Variants in CNTNAP4 observed in about 807,000 individuals in gnomAD.
CNTNAP4 encodes contactin associated protein family member 4.
In CNTNAP4, 98 loss-of-function variants were observed where a neutral mutation model predicts 148.4. The observed-to-expected ratio is 0.66, with a 90% CI of 0.56 to 0.78. The LOEUF is 0.78. Among genes scored for constraint, CNTNAP4 ranks in the 30% least tolerant of loss-of-function variants. The pLI, the probability that CNTNAP4 is intolerant of heterozygous loss-of-function variation, is 0.00. For missense variants in CNTNAP4, 1,935 were observed against 1,565.6 expected (o/e 1.24, Z -3.98); for synonymous variants, 730 against 565.1 (o/e 1.29, Z -4.14).
chr16:76,343,367 C>T (rs964182828), intron 2 of CNTNAP4, among the ~76,000 whole-genome samples: 1 of 152,084 alleles, frequency 6.6e-6, no homozygotes, highest in Non-Finnish European at 1.5e-5. Flanking sequence ...TGGAGATAAA[C>T]AGAGCAAAAT....
chr16:76,476,083 T>C, intron 11 of CNTNAP4, 38 bp downstream of exon 11: 1 of 1,407,470 alleles, frequency 7.1e-7, no homozygotes. Context: ...GCCCCTGTGA[T>C]GGTTTCTTTG....
At chr16:76,475,683 G>A (rs897745846) in intron 10 of CNTNAP4, among the ~76,000 whole-genome samples, 1 of 152,164 alleles carries the variant, frequency 6.6e-6, no homozygotes, top group Non-Finnish European at 1.5e-5. Context: ...TGTCACTGAG[G>A]GAAAATGAAG....
chr16:76,363,316 C>A (rs2013672621), intron 3 of CNTNAP4, among the ~76,000 whole-genome samples: 1 of 151,902 alleles, frequency 6.6e-6, no homozygotes, highest in Non-Finnish European at 1.5e-5. Flanking sequence ...GTGTGTGCCA[C>A]CATACCCAGC....
At chr16:76,537,505 C>G (rs1466629750) in intron 18 of CNTNAP4, among the ~76,000 whole-genome samples, 2 of 151,972 alleles carry the variant, frequency 1.3e-5, no homozygotes, top group Non-Finnish European at 2.9e-5. Context: ...TAATCTCATA[C>G]CAGGAAAATA....
At chr16:76,310,188 C>G (rs1389530464) in intron 1 of CNTNAP4, among the ~76,000 whole-genome samples, 2 of 152,046 alleles carry the variant, frequency 1.3e-5, no homozygotes, top group African/African-American at 4.8e-5. Flanking sequence ...ACATCAGGTA[C>G]TGGGTTGTGT....
At chr16:76,431,036 A>G (rs1199386204) in intron 4 of CNTNAP4, among the ~76,000 whole-genome samples, 1 of 152,348 alleles carries the variant, frequency 6.6e-6, no homozygotes, top group East Asian at 1.9e-4. Flanking sequence ...TAGAAAAATT[A>G]TATGAACTAA....
At chr16:76,325,772 CAA>C (rs1396792240) in intron 2 of CNTNAP4, among the ~76,000 whole-genome samples, 1 of 151,824 alleles carries the variant, frequency 6.6e-6, no homozygotes, top group Non-Finnish European at 1.5e-5. Context: ...GGAAAAAACC[CAA>C]AGTGCATTAA....
At chr16:76,380,127 C>G (rs774496369) in intron 3 of CNTNAP4, among the ~76,000 whole-genome samples, 1 of 152,114 alleles carries the variant, frequency 6.6e-6, no homozygotes, top group African/African-American at 2.4e-5. Flanking sequence ...TTCAATTATG[C>G]TGGAAAATGT....
intron 2 of CNTNAP4, among the ~76,000 whole-genome samples, chr16:76,334,901 T>C (rs750406838): frequency 3.5e-4 from 54 of 152,144 alleles, no homozygotes; most frequent in Admixed American, 9.2e-4. Context: ...TTAACCTTGA[T>C]AGCTCATACT....
At chr16:76,479,805 A>T (rs149801390) in intron 12 of CNTNAP4, among the ~76,000 whole-genome samples, 65 of 152,294 alleles carry the variant, frequency 4.3e-4, no homozygotes, top group African/African-American at 1.4e-3. Flanking sequence ...TAGACTATTT[A>T]TGAGAGAAGA....
At chr16:76,478,768 C>T (rs2143648672) in intron 11 of CNTNAP4, among the ~76,000 whole-genome samples, 1 of 152,194 alleles carries the variant, frequency 6.6e-6, no homozygotes, top group African/African-American at 2.4e-5. Context: ...AGGCATAGTT[C>T]ATACAAGTAT....
intron 1 of CNTNAP4, among the ~76,000 whole-genome samples, chr16:76,282,012 C>G (rs1235697837): frequency 6.6e-6 from 1 of 151,702 alleles, no homozygotes; most frequent in African/African-American, 2.4e-5. Context: ...CTCTCTGGCA[C>G]TTTATATAAA....
intron 1 of CNTNAP4, chr16:76,287,561 G>C (rs747481991): frequency 1.1e-4 from 17 of 152,300 alleles, no homozygotes; most frequent in Non-Finnish European, 2.2e-4. Context: ...GAAGATGTCA[G>C]GAAGTTCTCT....
chr16:76,291,259 G>A (rs1302829402), intron 1 of CNTNAP4, among the ~76,000 whole-genome samples: 1 of 152,078 alleles, frequency 6.6e-6, no homozygotes, highest in East Asian at 1.9e-4. Context: ...TGCTTTTACA[G>A]GTTAAAACTT....
chr16:76,427,367 C>G, intron 3 of CNTNAP4, 85 bp from the exon 4 acceptor site: 3 of 1,134,200 alleles, frequency 2.6e-6, no homozygotes, highest in Non-Finnish European at 2.5e-6. Context: ...ATGCAGATCA[C>G]ACATTGCTAA....
intron 1 of CNTNAP4, chr16:76,287,520 A>G (rs1005617422): frequency 6.6e-6 from 1 of 152,252 alleles, no homozygotes; most frequent in Admixed American, 6.5e-5. Flanking sequence ...GTATGTAGGT[A>G]GTACCATTAA....
chr16:76,534,860 T>TATC (rs1287182291), intron 17 of CNTNAP4, among the ~76,000 whole-genome samples: 1 of 152,224 alleles, frequency 6.6e-6, no homozygotes, highest in African/African-American at 2.4e-5. Flanking sequence ...AAGGATGACT[T>TATC]GATAGGTACA....
chr16:76,390,811 A>G (rs540198985), intron 3 of CNTNAP4, among the ~76,000 whole-genome samples: 2 of 152,020 alleles, frequency 1.3e-5, no homozygotes, highest in South Asian at 4.2e-4. Context: ...ATAGGACTTT[A>G]CCCTCCTCAA....
intron 3 of CNTNAP4, among the ~76,000 whole-genome samples, chr16:76,398,654 T>C (rs980377269): frequency 1.1e-4 from 16 of 152,170 alleles, no homozygotes; most frequent in African/African-American, 3.9e-4. Context: ...CAAAGAGTTA[T>C]AACAGTGTAC....
Sources: allele counts gnomAD v4.1 joint callset (sites outside exome capture counted in the v4.1 genomes callset), GRCh38; gene constraint gnomAD v4.1.1; transcripts MANE v1.5; gene names NCBI Gene and HGNC (gene_info 2026-07-23, HGNC 2026-07-21).